WWOX: variants seen among roughly 807,000 people sequenced by gnomAD.
The protein encoded by WWOX is WW domain-containing oxidoreductase.
Under a neutral mutation model 46.2 loss-of-function variants are expected in WWOX, and 69 were observed. The ratio of observed to expected loss-of-function variants is 1.49; its 90% CI spans 1.23 to 1.82. WWOX has a LOEUF of 1.82. Among genes scored for constraint, WWOX ranks in the 40% most tolerant of loss-of-function variants. WWOX has a pLI of 0.00. For synonymous variants in WWOX, 359 were observed against 202.6 expected, an observed-to-expected ratio of 1.77 and a Z score of -6.56; for missense variants, 919 against 542.6, an observed-to-expected ratio of 1.69 and a Z score of -6.89.
chr16:78,537,120 T>C (rs974470310), intron 8 of WWOX, among the ~76,000 whole-genome samples: 2 of 152,162 alleles, frequency 1.3e-5, no homozygotes, highest in African/African-American at 4.8e-5. Context: ...TTTTGCCATG[T>C]TGTCCAGGCT....
At chr16:78,667,418 C>G (rs1412863304) in intron 8 of WWOX, among the ~76,000 whole-genome samples, 1 of 152,010 alleles carries the variant, frequency 6.6e-6, no homozygotes, top group South Asian at 2.1e-4. Flanking sequence ...CGCCTGTATT[C>G]CCAACACTTT....
chr16:78,782,801 A>G (rs975767005), intron 8 of WWOX, among the ~76,000 whole-genome samples: 3 of 152,042 alleles, frequency 2.0e-5, no homozygotes, highest in Non-Finnish European at 4.4e-5. Context: ...GCAATCAATC[A>G]TTGATAAGAT....
At chr16:79,179,116 C>G (rs990910293) in intron 8 of WWOX, among the ~76,000 whole-genome samples, 2 of 152,136 alleles carry the variant, frequency 1.3e-5, no homozygotes, top group African/African-American at 4.8e-5. Context: ...GGGGAACTAC[C>G]AGAAACTCAT....
chr16:78,400,099 C>A (rs1182389788), intron 6 of WWOX, among the ~76,000 whole-genome samples: 1 of 152,098 alleles, frequency 6.6e-6, no homozygotes, highest in South Asian at 2.1e-4. Context: ...ATAAACGGGA[C>A]CTCTCAATTA....
At chr16:78,131,100 G>A (rs1429888556) in intron 4 of WWOX, among the ~76,000 whole-genome samples, 2 of 152,184 alleles carry the variant, frequency 1.3e-5, no homozygotes, top group Non-Finnish European at 2.9e-5. Flanking sequence ...AAAATACAGT[G>A]TTGTAATCTT....
At chr16:78,233,453 G>A (rs182432399) in intron 5 of WWOX, among the ~76,000 whole-genome samples, 1 of 151,954 alleles carries the variant, frequency 6.6e-6, no homozygotes, top group Non-Finnish European at 1.5e-5. Context: ...GCCTCCCTGG[G>A]TGTATTTCGC....
At chr16:78,236,999 A>C (rs928096294) in intron 5 of WWOX, among the ~76,000 whole-genome samples, 6 of 147,300 alleles carry the variant, frequency 4.1e-5, no homozygotes, top group Non-Finnish European at 3.0e-5. Context: ...ACTTGAACCC[A>C]GGAGGCGGAG....
chr16:78,457,908 T>TAAAAAAA (rs2083859182), intron 8 of WWOX, among the ~76,000 whole-genome samples: 2 of 63,798 alleles, frequency 3.1e-5, no homozygotes, highest in South Asian at 6.1e-4. Context: ...AGACTCTGAC[T>TAAAAAAA]CAAAAAAAAA....
intron 8 of WWOX, among the ~76,000 whole-genome samples, chr16:79,021,993 G>T (rs1208984303): frequency 1.3e-5 from 2 of 152,206 alleles, no homozygotes; most frequent in African/African-American, 4.8e-5. Context: ...GTAAGTGCTG[G>T]ATAAATGATA....
chr16:78,358,084 G>C (rs2081335541), intron 5 of WWOX, among the ~76,000 whole-genome samples: 1 of 152,148 alleles, frequency 6.6e-6, no homozygotes, highest in Non-Finnish European at 1.5e-5. Flanking sequence ...CTTGGAACTA[G>C]TTCTTTGTTT....
At chr16:78,322,999 G>A (rs75891344) in intron 5 of WWOX, among the ~76,000 whole-genome samples, 4,724 of 152,220 alleles carry the variant, frequency 0.031, 101 homozygotes, top group Non-Finnish European at 0.048. Context: ...TGGATGATGG[G>A]CCATTGCACT....
chr16:78,593,803 T>C (rs946748242), intron 8 of WWOX, among the ~76,000 whole-genome samples: 12 of 151,244 alleles, frequency 7.9e-5, no homozygotes, highest in African/African-American at 2.9e-4. Flanking sequence ...GAAACAAAGA[T>C]AGAGCTAGCA....
chr16:79,102,664 G>A (rs1008538281), intron 8 of WWOX, among the ~76,000 whole-genome samples: 2 of 151,810 alleles, frequency 1.3e-5, no homozygotes, highest in Non-Finnish European at 2.9e-5. Flanking sequence ...GAAAGAGCCA[G>A]GCATATAATA....
intron 8 of WWOX, among the ~76,000 whole-genome samples, chr16:78,951,639 G>A (rs1485301908): frequency 3.3e-5 from 5 of 152,206 alleles, no homozygotes; most frequent in Non-Finnish European, 7.3e-5. Context: ...TGGCAGTCTT[G>A]ATGTCAATCT....
At chr16:78,816,234 G>C (rs1402251340) in intron 8 of WWOX, among the ~76,000 whole-genome samples, 2 of 152,172 alleles carry the variant, frequency 1.3e-5, no homozygotes, top group African/African-American at 4.8e-5. Flanking sequence ...ATAGGACCAG[G>C]AAGCCAGAGA....
intron 8 of WWOX, among the ~76,000 whole-genome samples, chr16:79,096,848 G>T (rs192296763): frequency 1.3e-5 from 2 of 152,194 alleles, no homozygotes; most frequent in East Asian, 3.9e-4. Flanking sequence ...AGAAGAAGGA[G>T]CTTGAAGCCG....
chr16:78,685,332 T>C (rs769941109), intron 8 of WWOX, among the ~76,000 whole-genome samples: 6 of 152,294 alleles, frequency 3.9e-5, no homozygotes, highest in Admixed American at 3.9e-4. Flanking sequence ...CTAATAACTT[T>C]CATTCTGTGA....
intron 8 of WWOX, among the ~76,000 whole-genome samples, chr16:78,749,780 G>A (rs79160764): frequency 0.022 from 3,425 of 152,300 alleles, 88 homozygotes; most frequent in South Asian, 0.058. Flanking sequence ...TACCTGAAAT[G>A]CAACTGTACT....
intron 8 of WWOX, among the ~76,000 whole-genome samples, chr16:78,444,134 G>A (rs7197931): frequency 0.05 from 7,537 of 152,250 alleles, 603 homozygotes; most frequent in African/African-American, 0.17. Context: ...TTTACACCAA[G>A]ATAAAGAAAT....
Sources: allele counts gnomAD v4.1 joint callset (sites outside exome capture counted in the v4.1 genomes callset), GRCh38; gene constraint gnomAD v4.1.1; transcripts MANE v1.5; gene names NCBI Gene and HGNC (gene_info 2026-07-23, HGNC 2026-07-21).